Variants in AMZ2 observed in about 807,000 individuals in gnomAD.
AMZ2 encodes archaemetzincin-2.
A neutral mutation model predicts 36.7 loss-of-function variants in AMZ2; 26 were observed. The observed-to-expected ratio is 0.71, with a 90% CI of 0.52 to 0.98. The LOEUF is 0.98. AMZ2 is among the 50% of genes least tolerant of loss of function. The probability of loss-of-function intolerance (pLI) is 0.00; values close to 1 mark genes in which losing one functional copy is unlikely to be tolerated. For synonymous variants in AMZ2, 144 were observed against 149.1 expected, an observed-to-expected ratio of 0.97 and a Z score of 0.25; for missense variants, 394 against 430.5, an observed-to-expected ratio of 0.92 and a Z score of 0.75.
At chr17:68,250,567 T>C (rs2074379632) in intron 2 of AMZ2, 97 bp downstream of exon 2, 2 of 1,459,354 alleles carry the variant, frequency 1.4e-6, no homozygotes, top group East Asian at 2.3e-5. Flanking sequence ...TGGGCCGTTT[T>C]AGGATCGTTT....
At chr17:68,207,621 G>A (rs2072880203) in intron 1 of AMZ2, 1 of 152,230 alleles carries the variant, frequency 6.6e-6, no homozygotes, top group Non-Finnish European at 1.5e-5. Flanking sequence ...ACTTACTGGA[G>A]AAGTAGAGTA....
At chr17:68,243,913 T>A (rs1377260460), upstream of AMZ2, among the ~76,000 whole-genome samples, 10 of 152,358 alleles carry the variant, frequency 6.6e-5, no homozygotes, top group African/African-American at 2.4e-4. Flanking sequence ...GGGGAAGAAC[T>A]AACCCAGGTA....
At chr17:68,218,034 G>A (rs112756919) in intron 1 of AMZ2, among the ~76,000 whole-genome samples, 1,869 of 152,024 alleles carry the variant, frequency 0.012, 40 homozygotes, top group African/African-American at 0.042. Flanking sequence ...GGATGGTCTC[G>A]ATCTCCTGAC....
chr17:68,245,092 C>G (rs563787115), upstream of AMZ2, among the ~76,000 whole-genome samples: 14 of 152,098 alleles, frequency 9.2e-5, no homozygotes, highest in Admixed American at 7.8e-4. Context: ...AATATCAGAA[C>G]TTGTAGTGCT....
At chr17:68,241,906 T>C (rs1265280821) in intron 1 of AMZ2, among the ~76,000 whole-genome samples, 15 of 144,338 alleles carry the variant, frequency 1.0e-4, no homozygotes, top group Non-Finnish European at 6.1e-5. Flanking sequence ...TTTTTTCTTT[T>C]TCTTTTTTTT....
Position 68,251,130 on chromosome 17 carries a change from C to G in AMZ2, c.538C>G (p.Pro180Ala). 1 of 1,613,688 alleles carries G rather than the reference C, an allele frequency of 6.2e-7. No homozygotes were observed. Among genetic ancestry groups the G allele is most frequent in the Non-Finnish European group, 8.5e-7 (1 of 1,179,948 alleles). ...GGGAATAACAATGATTGATCTTTAC[C>G]CAAGAGACTCGTGGAATTTTGTCTT... ...VVGITMIDLY[P>A]RDSWNFVFGQ... Residue 180 changes from proline (P) to alanine (A), a missense_variant, in exon 4 of 7, where the codon CCA becomes GCA. Pro to Ala is a conservative substitution (Grantham distance 27). Coordinates refer to ENST00000359904, the MANE Select transcript of AMZ2 (RefSeq NM_016627.5).
chr17:68,226,332 A>C (rs1479185770), intron 1 of AMZ2, among the ~76,000 whole-genome samples: 2 of 152,188 alleles, frequency 1.3e-5, no homozygotes, highest in African/African-American at 4.8e-5. Context: ...ACGTGGTTAG[A>C]ATGGAGAACC....
At chr17:68,252,491 A>C (rs1295083095) in intron 4 of AMZ2, among the ~76,000 whole-genome samples, 5 of 152,060 alleles carry the variant, frequency 3.3e-5, no homozygotes, top group African/African-American at 1.2e-4. Flanking sequence ...AACATTGAAA[A>C]ATAATTCTAT....
upstream of AMZ2, chr17:68,246,918 C>T (rs2074038506): frequency 6.6e-6 from 1 of 152,208 alleles, no homozygotes; most frequent in Non-Finnish European, 1.5e-5. Flanking sequence ...TTCAAAATAA[C>T]AGGCCGGGCG....
chr17:68,251,014 A>G, intron 3 of AMZ2, 36 bp from the exon 4 acceptor site: 1 of 1,607,590 alleles, frequency 6.2e-7, no homozygotes, highest in Non-Finnish European at 8.5e-7. Flanking sequence ...TGTATATAAT[A>G]TACACTCATA....
chr17:68,241,633 T>C (rs1465419803), intron 1 of AMZ2, among the ~76,000 whole-genome samples: 3 of 152,168 alleles, frequency 2.0e-5, no homozygotes, highest in Non-Finnish European at 4.4e-5. Context: ...TGGGGACTAT[T>C]ACTTTTCATT....
At chr17:68,250,088 T>A (rs1459537300) in intron 1 of AMZ2, 100 bp from the exon 2 acceptor site, 4 of 1,313,958 alleles carry the variant, frequency 3.0e-6, no homozygotes, top group Non-Finnish European at 4.1e-6. Context: ...AATCAGTCAT[T>A]TCACTCTAGG....
intron 1 of AMZ2, among the ~76,000 whole-genome samples, chr17:68,240,856 C>T (rs1327855432): frequency 9.2e-5 from 14 of 152,160 alleles, no homozygotes; most frequent in African/African-American, 3.4e-4. Flanking sequence ...TAGAATTCCA[C>T]ACCAACCCAG....
In AMZ2 at chr17:68,231,351, G is replaced by A. The variant is rs576553141; in HGVS notation, c.-66-17289G>A. 1.2e-3 allele frequency among the ~76,000 whole-genome samples: 187 copies of A among 152,062 alleles called. 1 individual carries two copies. The highest frequency in any genetic ancestry group is 4.3e-3 in the African/African-American group (179 of 41,418). ...CTCTCAAAGTACTGGGATAACAGGC[G>A]TGAGCCACTGTGCCCAGGGGCTTGT... On this transcript the variant is annotated intron_variant, in intron 1 of 7. Coordinates refer to the AMZ2 transcript ENST00000674770.
At chr17:68,226,658 C>T (rs557640215) in intron 1 of AMZ2, among the ~76,000 whole-genome samples, 13 of 152,262 alleles carry the variant, frequency 8.5e-5, no homozygotes, top group South Asian at 4.1e-4. Context: ...TGGTGGAGGG[C>T]AGGCATCATG....
intron 1 of AMZ2, among the ~76,000 whole-genome samples, chr17:68,225,039 A>C (rs1206667978): frequency 5.3e-5 from 8 of 151,444 alleles, no homozygotes; most frequent in East Asian, 1.9e-4. Flanking sequence ...CACACACACA[A>C]AAATTAGCTG....
At chr17:68,233,369 C>T (rs1555731734) in intron 1 of AMZ2, among the ~76,000 whole-genome samples, 2 of 151,960 alleles carry the variant, frequency 1.3e-5, no homozygotes, top group Admixed American at 6.6e-5. Context: ...ATTAGCTGGG[C>T]GTGGTCGTGG....
Position 68,248,195 on chromosome 17 carries a change from G to T in AMZ2, c.-511G>T. ...GGTCGTAGAGGCGGGGGCCGGTCGCGGTCGGTGGAGCGGGATGAGGATGTA... is the reference window on the plus strand; with the variant it reads ...GGTCGTAGAGGCGGGGGCCGGTCGCTGTCGGTGGAGCGGGATGAGGATGTA... On this transcript the variant is annotated 5_prime_UTR_variant, in exon 1 of 7. Coordinates refer to ENST00000359904, the MANE Select transcript of AMZ2 (RefSeq NM_016627.5). The T allele has an allele frequency of 8.1e-6, 8 of 986,440 alleles. No homozygotes were observed. Among genetic ancestry groups the T allele is most frequent in the Non-Finnish European group, 8.4e-6 (7 of 830,720 alleles). The allele number at this position is 986,440 out of a possible 1,614,324, so 61.1% of individuals were successfully genotyped here.
intron 1 of AMZ2, among the ~76,000 whole-genome samples, chr17:68,208,138 G>C (rs2072899884): frequency 6.6e-6 from 1 of 152,158 alleles, no homozygotes; most frequent in Non-Finnish European, 1.5e-5. Flanking sequence ...TCCCTGACGA[G>C]CACCGCCCCC....
Sources: gnomAD v4.1 joint callset for allele counts (sites outside exome capture counted in the v4.1 genomes callset) on GRCh38, gnomAD v4.1.1 for gene constraint, MANE v1.5 for transcripts, NCBI Gene and HGNC (gene_info 2026-07-23, HGNC 2026-07-21) for gene names.